The following NFATC2 variants were observed in gnomAD, a reference collection of about 807,000 sequenced individuals.
NFATC2 encodes nuclear factor of activated T-cells, cytoplasmic 2.
NFATC2 carries 22 observed loss-of-function variants against 87.3 expected under a neutral mutation model. The observed-to-expected ratio is 0.25, with a 90% CI of 0.18 to 0.36. NFATC2 has a LOEUF of 0.36. NFATC2 is among the 10% of genes least tolerant of loss of function. The pLI is 1.00. For missense variants in NFATC2, 1,149 were observed against 1,259.1 expected (o/e 0.91, Z 1.32); for synonymous variants, 565 against 542.2 (o/e 1.04, Z -0.58).
rs2076840352 is a variant in NFATC2, at chr20:51,542,649, T to TGGCGCAGCGGGTCCTGGACGCGCCC, written c.-175_-151dup. The TGGCGCAGCGGGTCCTGGACGCGCCC allele has an allele frequency of 8.7e-7, 1 of 1,154,140 alleles. No homozygotes were observed. Among genetic ancestry groups the TGGCGCAGCGGGTCCTGGACGCGCCC allele is most frequent in the Non-Finnish European group, 1.1e-6 (1 of 937,434 alleles). The allele number at this position is 1,154,140 out of a possible 1,614,324, so 71.5% of individuals were successfully genotyped here. On this transcript the variant is annotated 5_prime_UTR_variant, in exon 1 of 11. Coordinates refer to ENST00000371564, the MANE Select transcript of NFATC2 (RefSeq NM_012340.5). ...ACGCCGGGTCCGGGGACGGCGCGCC[T>TGGCGCAGCGGGTCCTGGACGCGCCC]GGCGCAGCGGGTCCTGGACGCGCCC...
At chr20:51,559,407 C>T (rs1239751153) in intron 1 of NFATC2, among the ~76,000 whole-genome samples, 1 of 152,228 alleles carries the variant, frequency 6.6e-6, no homozygotes, top group Non-Finnish European at 1.5e-5. Context: ...CAGAACCAGG[C>T]TCTGGTCCCA....
intron 1 of NFATC2, among the ~76,000 whole-genome samples, chr20:51,536,105 T>C (rs557274711): frequency 6.6e-6 from 1 of 152,344 alleles, no homozygotes; most frequent in South Asian, 2.1e-4. Flanking sequence ...CAGAGCTCCC[T>C]GTCATTTCTC....
At chr20:51,540,120 T>A (rs570052390) in intron 1 of NFATC2, among the ~76,000 whole-genome samples, 77 of 152,316 alleles carry the variant, frequency 5.1e-4, no homozygotes, top group South Asian at 1.7e-3. Flanking sequence ...TTCAAGCAAT[T>A]CTCCTGCGTC....
At chr20:51,534,752 T>C (rs1463546938) in intron 1 of NFATC2, among the ~76,000 whole-genome samples, 2 of 152,020 alleles carry the variant, frequency 1.3e-5, no homozygotes, top group Non-Finnish European at 2.9e-5. Context: ...CCCCAGAGGG[T>C]TCTCTGTGGC....
At chr20:51,477,566 T>TATATA (rs1988848757) in intron 3 of NFATC2, among the ~76,000 whole-genome samples, 1 of 101,972 alleles carries the variant, frequency 9.8e-6, no homozygotes, top group South Asian at 2.8e-4. Context: ...TATATATATA[T>TATATA]ATATATATAT....
Position 51,488,055 on chromosome 20 carries a change from G to A in NFATC2, c.1333-12395C>T, listed in dbSNP as rs549098672. On this transcript the variant is annotated intron_variant, in intron 3 of 10. Coordinates refer to ENST00000371564, the MANE Select transcript of NFATC2 (RefSeq NM_012340.5). ...CAAGGGGCCCGTTCTTATGTGGAGC[G>A]TATGGGGCCTGGCTTCCATAAACAT... is the stretch of plus-strand genomic sequence containing the variant. Among the ~76,000 whole-genome samples the A allele has an allele frequency of 1.1e-4, 16 of 152,200 alleles. No homozygotes were observed. In the South Asian group the frequency reaches 2.9e-3, roughly 28 times the overall value.
rs186128221 is a variant in NFATC2, at chr20:51,448,488, C to T, written c.1849+6060G>A. ...AACCCCGTCTCTACTAAACAAACTA[C>T]AAAAAATTAGCCAGGCGTCGTGGCA... On this transcript the variant is annotated intron_variant, in intron 6 of 10. Coordinates refer to ENST00000371564, the MANE Select transcript of NFATC2 (RefSeq NM_012340.5). Among the ~76,000 whole-genome samples, 15 of 152,238 alleles carry T rather than the reference C, an allele frequency of 9.9e-5. No homozygotes were observed. In the East Asian group the frequency reaches 2.5e-3, roughly 25 times the overall value.
In NFATC2 at chr20:51,387,315, AAAC is replaced by A. The variant is rs1441503879; in HGVS notation, c.*4178_*4180del. On this transcript the variant is annotated 3_prime_UTR_variant, in exon 11 of 11. Coordinates refer to ENST00000371564, the MANE Select transcript of NFATC2 (RefSeq NM_012340.5). The stretch of plus-strand genomic sequence containing the variant: ...ATGCTGTGAGCACCTGCTCTAATGG[AAAC>A]AACATCATTTGCATCCATTCCATTC... 4.6e-5 allele frequency: 7 copies of A among 152,220 alleles called. No homozygotes were observed. Among genetic ancestry groups the A allele is most frequent in the East Asian group, 1.9e-4 (1 of 5,186 alleles). 9.4% of individuals were successfully genotyped at this position (152,220 alleles called of 1,614,324 possible).
chr20:51,562,583 C>T lies in NFATC2; in HGVS notation c.47G>A (p.Arg16His), dbSNP rs1601030838. The T allele has an allele frequency of 1.3e-6, 2 of 1,551,210 alleles. No individual in the cohort carries two copies. Among genetic ancestry groups the T allele is most frequent in the South Asian group, 1.2e-5 (1 of 83,994 alleles). ...ACCTTGGTCCACAGACCCCATGATG[C>T]GGAGGGGATGGCAGTGCCCCAGTCT... The change falls in exon 1 of 11, where the codon CGC becomes CAC. Residue 16 changes from arginine to histidine, a missense_variant. Physicochemically the swap from Arg to His is conservative, Grantham distance 29 (BLOSUM62 0). Coordinates refer to the NFATC2 transcript ENST00000414705. The surrounding 1 kb of genome is among the most constrained non-coding windows in gnomAD (Gnocchi z 5.8).
chr20:51,395,713 C>CTGTAACATTTTCAGTATATATGACAA (rs1986980210), intron 10 of NFATC2, among the ~76,000 whole-genome samples: 1 of 151,698 alleles, frequency 6.6e-6, no homozygotes, highest in African/African-American at 2.4e-5. Context: ...ACAAAACATG[C>CTGTAACATTTTCAGTATATATGACAA]TGTAACATTT....
upstream of NFATC2, among the ~76,000 whole-genome samples, chr20:51,546,431 C>T (rs115911344): frequency 7.4e-4 from 112 of 152,274 alleles, no homozygotes; most frequent in African/African-American, 2.6e-3. Flanking sequence ...GGTCCAGGAG[C>T]AGAATGCATG....
intron 9 of NFATC2, among the ~76,000 whole-genome samples, chr20:51,406,861 C>T (rs1439531932): frequency 1.3e-5 from 2 of 152,342 alleles, no homozygotes; most frequent in East Asian, 3.9e-4. Context: ...ACAGCAGAAG[C>T]CTGGGTGTTA....
In NFATC2 at chr20:51,523,520, G is replaced by C. The variant is rs2076488286; in HGVS notation, c.721C>G (p.Pro241Ala). 1 of 1,613,388 alleles carries C rather than the reference G, an allele frequency of 6.2e-7. No homozygotes were observed. The change falls in exon 2 of 11, where the codon CCG becomes GCG. Residue 241 changes from proline (P) to alanine (A), a missense_variant. Pro to Ala is a conservative substitution (Grantham distance 27). Transcript: ENST00000371564. This position sits in a 1 kb window ranked among gnomAD's most constrained non-coding sequence, Gnocchi z 6.9. The stretch of plus-strand genomic sequence containing the variant: ...CCAGGCGATGAGGAGCGGGAGGCCG[G>C]ACGGGGCACGGGCGAGTGGCGGCCC... Reference protein sequence around the residue: ...CLGRHSPVPRPASRSSSPGAK... With the variant: ...CLGRHSPVPRAASRSSSPGAK...
chr20:51,438,416 C>A (rs1163476284), intron 6 of NFATC2, among the ~76,000 whole-genome samples: 1 of 132,674 alleles, frequency 7.5e-6, no homozygotes, highest in African/African-American at 2.9e-5. Flanking sequence ...AGCATCATTT[C>A]TTTTTCCACT....
intron 9 of NFATC2, among the ~76,000 whole-genome samples, chr20:51,427,195 G>A (rs1290121484): frequency 6.6e-6 from 1 of 152,130 alleles, no homozygotes; most frequent in Non-Finnish European, 1.5e-5. Flanking sequence ...AACCTGTGGT[G>A]GGTTTGGTGG....
chr20:51,389,411 A>G lies in NFATC2; in HGVS notation c.*2085T>C, dbSNP rs1986090904. The G allele has an allele frequency of 6.6e-6, 1 of 151,970 alleles. No individual in the cohort carries two copies. Among genetic ancestry groups the G allele is most frequent in the South Asian group, 2.1e-4 (1 of 4,822 alleles). 9.4% of individuals were successfully genotyped at this position (151,970 alleles called of 1,614,324 possible). On this transcript the variant is annotated 3_prime_UTR_variant, in exon 11 of 11. Coordinates refer to ENST00000371564, the MANE Select transcript of NFATC2 (RefSeq NM_012340.5). ...AGTGAGAACAAATCACTCACCACACACTCTTGGCTTTTCCCCAGTGAAGTC... is the reference window on the plus strand; with the variant it reads ...AGTGAGAACAAATCACTCACCACACGCTCTTGGCTTTTCCCCAGTGAAGTC...
At chr20:51,396,095 A>T (rs887443793) in intron 10 of NFATC2, among the ~76,000 whole-genome samples, 61 of 115,574 alleles carry the variant, frequency 5.3e-4, no homozygotes, top group Admixed American at 6.4e-4. Context: ...TATATATATA[A>T]GCTAATGGCA....
chr20:51,474,771 A>AT (rs1988556412), intron 4 of NFATC2, among the ~76,000 whole-genome samples: 2 of 152,130 alleles, frequency 1.3e-5, no homozygotes, highest in South Asian at 4.2e-4. Flanking sequence ...AAATGTGTGC[A>AT]ATGGTTCCCA....
At chr20:51,488,150 C>T (rs1334726813) in intron 3 of NFATC2, among the ~76,000 whole-genome samples, 1 of 152,182 alleles carries the variant, frequency 6.6e-6, no homozygotes, top group Non-Finnish European at 1.5e-5. Context: ...TTCATTCACT[C>T]CTCCGTTTAG....
Sources: gnomAD v4.1 joint callset for allele counts (sites outside exome capture counted in the v4.1 genomes callset) on GRCh38, gnomAD v4.1.1 for gene constraint, Gnocchi (gnomAD v3.1) non-coding constraint, MANE v1.5 for transcripts, NCBI Gene and HGNC (gene_info 2026-07-23, HGNC 2026-07-21) for gene names.